BFSP1: variants seen among roughly 807,000 people sequenced by gnomAD.
BFSP1 encodes filensin.
In BFSP1, 38 loss-of-function variants were observed where a neutral mutation model predicts 43.9. That is an observed-to-expected ratio of 0.87 (90% CI 0.67 to 1.14). BFSP1 has a LOEUF of 1.14. Among genes scored for constraint, BFSP1 ranks in the 50% most tolerant of loss-of-function variants. The pLI is 0.00. For missense variants in BFSP1, 850 were observed against 875.1 expected (o/e 0.97, Z 0.36); for synonymous variants, 352 against 354.8 (o/e 0.99, Z 0.09).
intron 1 of BFSP1, among the ~76,000 whole-genome samples, chr20:17,546,555 A>T (rs909036697): frequency 6.6e-6 from 1 of 152,072 alleles, no homozygotes; most frequent in Non-Finnish European, 1.5e-5. Flanking sequence ...TATAAAAATT[A>T]GCTGGGTGTG....
At chr20:17,500,609 C>T (rs1008232521) in intron 5 of BFSP1, among the ~76,000 whole-genome samples, 2 of 152,192 alleles carry the variant, frequency 1.3e-5, no homozygotes, top group Admixed American at 6.5e-5. Flanking sequence ...TATGTATTTA[C>T]GATACTACAC....
At chr20:17,553,983 T>C (rs1281568871) in intron 1 of BFSP1, among the ~76,000 whole-genome samples, 2 of 150,720 alleles carry the variant, frequency 1.3e-5, no homozygotes, top group Non-Finnish European at 3.0e-5. Flanking sequence ...CAGTTGCAGA[T>C]GGCATATTTT....
At chr20:17,568,711 T>C (rs1032370486) in intron 1 of BFSP1, among the ~76,000 whole-genome samples, 7 of 152,156 alleles carry the variant, frequency 4.6e-5, no homozygotes, top group Non-Finnish European at 7.3e-5. Flanking sequence ...CTTACTGTCT[T>C]TTTTAAAAAG....
rs11473581 is a variant in BFSP1 at position 17,529,064 on chromosome 20, A to AGTGTGTGTGTGTGTGTGT, written c.377+1871_377+1888dup. Among the ~76,000 whole-genome samples the AGTGTGTGTGTGTGTGTGT allele has an allele frequency of 2.2e-3, 329 of 147,198 alleles. 3 individuals carry two copies. Among genetic ancestry groups the AGTGTGTGTGTGTGTGTGT allele is most frequent in the African/African-American group, 7.9e-3 (302 of 38,402 alleles). Reference sequence around the variant, plus strand: ...GATGAATATCTTACATGGTTAAATAAGTGTGTGTGTGTGTGTGTGTGTGTG... The same window carrying AGTGTGTGTGTGTGTGTGT: ...GATGAATATCTTACATGGTTAAATAAGTGTGTGTGTGTGTGTGTGTGTGTGTGTGTGTGTGTGTGTGTG... On this transcript the variant is annotated intron_variant, in intron 1 of 7. Coordinates refer to ENST00000377873, the MANE Select transcript of BFSP1 (RefSeq NM_001195.5).
At chr20:17,520,330 A>C (rs548271164) in intron 2 of BFSP1, among the ~76,000 whole-genome samples, 1 of 152,198 alleles carries the variant, frequency 6.6e-6, no homozygotes, top group African/African-American at 2.4e-5. Context: ...AATAACTAGA[A>C]TTTGGAGCAT....
chr20:17,498,754 C>T (rs540247583), intron 6 of BFSP1, 66 bp downstream of exon 6: 2 of 1,532,082 alleles, frequency 1.3e-6, no homozygotes, highest in African/African-American at 1.4e-5. Context: ...GCCTGGCACA[C>T]AATAGGCACT....
At chr20:17,566,268 C>A (rs1476597567) in intron 1 of BFSP1, among the ~76,000 whole-genome samples, 1 of 152,140 alleles carries the variant, frequency 6.6e-6, no homozygotes, top group Non-Finnish European at 1.5e-5. Context: ...CTTTCCCCAG[C>A]CTATCTATTA....
intron 2 of BFSP1, chr20:17,517,361 A>C: frequency 1.0e-6 from 1 of 961,048 alleles, no homozygotes; most frequent in Non-Finnish European, 1.7e-6. Context: ...AAAACAAACA[A>C]ACAAACAAAA....
At chr20:17,537,609 G>A (rs2123553120) in intron 1 of BFSP1, among the ~76,000 whole-genome samples, 1 of 145,800 alleles carries the variant, frequency 6.9e-6, no homozygotes, top group South Asian at 2.2e-4. Context: ...GTGACAGCAA[G>A]TGTGTGCCTG....
intron 1 of BFSP1, among the ~76,000 whole-genome samples, chr20:17,539,901 C>T (rs2034689317): frequency 6.6e-6 from 1 of 152,146 alleles, no homozygotes. Flanking sequence ...TTCCAAAGTT[C>T]ACTAGCTTCC....
chr20:17,508,283 C>A (rs888361809), intron 5 of BFSP1, among the ~76,000 whole-genome samples: 17 of 152,168 alleles, frequency 1.1e-4, no homozygotes, highest in African/African-American at 3.9e-4. Context: ...CAAGAAGGCA[C>A]AGGCCACAGG....
intron 1 of BFSP1, among the ~76,000 whole-genome samples, chr20:17,556,186 A>G (rs2034987341): frequency 6.6e-6 from 1 of 152,204 alleles, no homozygotes; most frequent in Admixed American, 6.5e-5. Context: ...GGTGGTAGAA[A>G]GGCTTTCTTA....
intron 1 of BFSP1, among the ~76,000 whole-genome samples, chr20:17,553,866 TATATAC>T (rs1474316960): frequency 2.3e-5 from 3 of 128,612 alleles, no homozygotes; most frequent in African/African-American, 6.6e-5. Flanking sequence ...TATACACATA[TATATAC>T]ATATATATAT....
At chr20:17,527,862 T>C (rs1413870713) in intron 1 of BFSP1, among the ~76,000 whole-genome samples, 1 of 152,252 alleles carries the variant, frequency 6.6e-6, no homozygotes, top group African/African-American at 2.4e-5. Context: ...ACATAAATTA[T>C]TTTTAGTTTT....
In BFSP1 at chr20:17,515,392, T is replaced by C. The variant is rs149649860; in HGVS notation, c.439-576A>G. Among the ~76,000 whole-genome samples the C allele has an allele frequency of 5.7e-3, 866 of 152,370 alleles. 11 individuals carry two copies. Among genetic ancestry groups the C allele is most frequent in the African/African-American group, 0.02 (822 of 41,588 alleles). On this transcript the variant is annotated intron_variant, in intron 2 of 7. Coordinates refer to ENST00000377873, the MANE Select transcript of BFSP1 (RefSeq NM_001195.5). ...TTGTTTTCCCTTAAATCCTGAAATC[T>C]GTATTCTAGCAGTTTTCTCCCAAGG... is the stretch of plus-strand genomic sequence containing the variant.
chr20:17,546,975 G>A (rs1201317963), intron 1 of BFSP1, among the ~76,000 whole-genome samples: 2 of 139,058 alleles, frequency 1.4e-5, no homozygotes, highest in African/African-American at 5.4e-5. Flanking sequence ...AGTGAGCTGA[G>A]ATCATGCCAC....
intron 2 of BFSP1, among the ~76,000 whole-genome samples, chr20:17,519,237 A>T (rs563261838): frequency 1.6e-4 from 25 of 152,186 alleles, no homozygotes; most frequent in Non-Finnish European, 2.9e-4. Context: ...AAATTTTAGA[A>T]ATAGAAGGAA....
At chr20:17,559,597 T>G (rs1002646623), upstream of BFSP1, among the ~76,000 whole-genome samples, 3 of 152,170 alleles carry the variant, frequency 2.0e-5, no homozygotes, top group African/African-American at 7.2e-5. Context: ...TGAACCAGTA[T>G]TGGTCTGTGG....
intron 2 of BFSP1, among the ~76,000 whole-genome samples, chr20:17,518,471 C>A (rs1022942669): frequency 1.6e-4 from 25 of 152,172 alleles, no homozygotes; most frequent in Admixed American, 1.6e-3. Flanking sequence ...AGAAGGCGTG[C>A]GCTACCCGGC....
Sources: gnomAD v4.1 joint callset for allele counts (sites outside exome capture counted in the v4.1 genomes callset) on GRCh38, gnomAD v4.1.1 for gene constraint, MANE v1.5 for transcripts, NCBI Gene and HGNC (gene_info 2026-07-23, HGNC 2026-07-21) for gene names.